The following SKAP2 variants were observed in gnomAD, a reference collection of about 807,000 sequenced individuals.
SKAP2 encodes the protein src kinase-associated phosphoprotein 2.
In SKAP2, 28 loss-of-function variants were observed where a neutral mutation model predicts 54.9. The ratio of observed to expected loss-of-function variants is 0.51; its 90% CI spans 0.38 to 0.70. The LOEUF is 0.70. Ranked by LOEUF, SKAP2 falls within the 30% of genes least tolerant of loss-of-function variation. The pLI, the probability that SKAP2 is intolerant of heterozygous loss-of-function variation, is 0.00. For missense variants in SKAP2, 356 were observed against 424.1 expected (o/e 0.84, Z 1.41); for synonymous variants, 137 against 134.3 (o/e 1.02, Z -0.14).
chr7:26,844,262 A>G (rs1449799696), intron 3 of SKAP2, 125 bp from the exon 4 acceptor site: 5 of 594,760 alleles, frequency 8.4e-6, no homozygotes, highest in Non-Finnish European at 1.5e-5. Flanking sequence ...AGTCATTGTC[A>G]TGGAAAAACA....
At chr7:26,783,399 A>G (rs967343415) in intron 4 of SKAP2, among the ~76,000 whole-genome samples, 5 of 152,040 alleles carry the variant, frequency 3.3e-5, no homozygotes, top group African/African-American at 9.7e-5. Flanking sequence ...TTCCCCCACC[A>G]ATATTTCTCT....
intron 10 of SKAP2, among the ~76,000 whole-genome samples, chr7:26,685,648 AT>A (rs1786620613): frequency 6.6e-6 from 1 of 152,192 alleles, no homozygotes; most frequent in Admixed American, 6.5e-5. Context: ...CATACAGACC[AT>A]TAACTGATTG....
At chr7:26,732,951 A>G (rs958378164) in intron 6 of SKAP2, among the ~76,000 whole-genome samples, 2 of 152,180 alleles carry the variant, frequency 1.3e-5, no homozygotes, top group Admixed American at 1.3e-4. Context: ...ATATACTGTT[A>G]GAGAGTCTCT....
intron 4 of SKAP2, among the ~76,000 whole-genome samples, chr7:26,783,168 G>A (rs1783463520): frequency 6.6e-6 from 1 of 152,010 alleles, no homozygotes; most frequent in South Asian, 2.1e-4. Context: ...TTACCCTGGT[G>A]GAATGTATCA....
At chr7:26,841,026 T>C (rs981769100) in intron 4 of SKAP2, among the ~76,000 whole-genome samples, 3 of 152,120 alleles carry the variant, frequency 2.0e-5, no homozygotes, top group Non-Finnish European at 4.4e-5. Context: ...GTTACAATTC[T>C]AGTAATCAAT....
intron 4 of SKAP2, among the ~76,000 whole-genome samples, chr7:26,831,122 GTTC>G (rs1488495567): frequency 6.6e-6 from 1 of 152,072 alleles, no homozygotes; most frequent in Non-Finnish European, 1.5e-5. Flanking sequence ...TCATTCAAAT[GTTC>G]TTAAAAGTTT....
At chr7:26,744,196 C>A (rs994493035) in intron 4 of SKAP2, among the ~76,000 whole-genome samples, 1 of 151,054 alleles carries the variant, frequency 6.6e-6, no homozygotes, top group African/African-American at 2.4e-5. Context: ...TGTTTAAATG[C>A]CTGTAATATA....
At chr7:26,707,719 G>T (rs2127948662) in intron 9 of SKAP2, among the ~76,000 whole-genome samples, 1 of 152,252 alleles carries the variant, frequency 6.6e-6, no homozygotes, top group African/African-American at 2.4e-5. Flanking sequence ...GAAGCACAGA[G>T]ATACAAATGA....
chr7:26,729,198 T>C (rs746563719), intron 6 of SKAP2, among the ~76,000 whole-genome samples: 6 of 152,120 alleles, frequency 3.9e-5, no homozygotes, highest in Non-Finnish European at 7.4e-5. Flanking sequence ...GAACTTCTGA[T>C]ACAGTCCAAG....
intron 9 of SKAP2, among the ~76,000 whole-genome samples, chr7:26,708,380 T>C (rs377335653): frequency 6.6e-6 from 1 of 152,180 alleles, no homozygotes; most frequent in East Asian, 1.9e-4. Context: ...GCAAAAAAAA[T>C]GGGTTTAAAT....
intron 4 of SKAP2, among the ~76,000 whole-genome samples, chr7:26,744,631 T>C (rs990775535): frequency 6.6e-6 from 1 of 152,098 alleles, no homozygotes; most frequent in African/African-American, 2.4e-5. Flanking sequence ...GAACAAATGT[T>C]GATTCACAAT....
At chr7:26,698,505 AAAG>A (rs1198478211) in intron 9 of SKAP2, among the ~76,000 whole-genome samples, 3 of 152,250 alleles carry the variant, frequency 2.0e-5, no homozygotes, top group Non-Finnish European at 4.4e-5. Context: ...TAAAAAAATG[AAAG>A]AAGTCAGTTG....
At chr7:26,766,507 T>C (rs1312403027) in intron 4 of SKAP2, among the ~76,000 whole-genome samples, 1 of 152,180 alleles carries the variant, frequency 6.6e-6, no homozygotes. Context: ...TTGAATACTA[T>C]GTTGAATGAA....
chr7:26,737,143 A>G (rs1299032045), intron 6 of SKAP2, among the ~76,000 whole-genome samples: 7 of 152,224 alleles, frequency 4.6e-5, no homozygotes, highest in Non-Finnish European at 4.4e-5. Flanking sequence ...AATCAAAGTC[A>G]CAAGGATCTG....
At chr7:26,856,216 A>G (rs573086125) in intron 1 of SKAP2, among the ~76,000 whole-genome samples, 3 of 152,176 alleles carry the variant, frequency 2.0e-5, no homozygotes, top group Admixed American at 2.0e-4. Flanking sequence ...TTATGGTTTG[A>G]AGTCTATTAA....
At chr7:26,715,531 C>T (rs1787412050) in intron 9 of SKAP2, among the ~76,000 whole-genome samples, 1 of 152,092 alleles carries the variant, frequency 6.6e-6, no homozygotes, top group Non-Finnish European at 1.5e-5. Flanking sequence ...AATCGCAGCA[C>T]TTTGGAAAGC....
At chr7:26,811,655 C>T (rs1202959421) in intron 4 of SKAP2, among the ~76,000 whole-genome samples, 1 of 152,170 alleles carries the variant, frequency 6.6e-6, no homozygotes, top group Non-Finnish European at 1.5e-5. Context: ...CCTCCACCTG[C>T]AGGTGATAAT....
chr7:26,771,138 G>A (rs1300268181), intron 4 of SKAP2, among the ~76,000 whole-genome samples: 1 of 152,154 alleles, frequency 6.6e-6, no homozygotes, highest in Non-Finnish European at 1.5e-5. Context: ...CAAAAGCAAA[G>A]CAAGTATTGT....
chr7:26,658,739 A>G, the SKAP2 span, among the ~76,000 whole-genome samples: 6 of 152,100 alleles, frequency 3.9e-5, no homozygotes. Flanking sequence ...AACCATATTA[A>G]ATAGTCATTA....
Sources: gnomAD v4.1 joint callset for allele counts (sites outside exome capture counted in the v4.1 genomes callset) on GRCh38, gnomAD v4.1.1 for gene constraint, MANE v1.5 for transcripts, NCBI Gene and HGNC (gene_info 2026-07-23, HGNC 2026-07-21) for gene names.